Variants in STRN3 observed in about 807,000 individuals in gnomAD.
STRN3 encodes the protein striatin-3.
A neutral mutation model predicts 95.6 loss-of-function variants in STRN3; 29 were observed. The observed-to-expected ratio is 0.30, with a 90% CI of 0.23 to 0.41. The LOEUF is 0.41. Among genes scored for constraint, STRN3 ranks in the 10% least tolerant of loss-of-function variants. STRN3 has a pLI of 1.00. For missense variants in STRN3, 890 were observed against 972.1 expected, an observed-to-expected ratio of 0.92 and a Z score of 1.12; for synonymous variants, 331 against 357.6, an observed-to-expected ratio of 0.93 and a Z score of 0.84.
chr14:30,983,499 C>G (rs749499468), intron 1 of STRN3, among the ~76,000 whole-genome samples: 1 of 152,172 alleles, frequency 6.6e-6, no homozygotes, highest in African/African-American at 2.4e-5. Flanking sequence ...GAGCCGAGAT[C>G]GTGCCACTGC....
At chr14:30,970,493 T>C (rs1274493834) in intron 1 of STRN3, among the ~76,000 whole-genome samples, 9 of 152,212 alleles carry the variant, frequency 5.9e-5, no homozygotes, top group African/African-American at 9.6e-5. Flanking sequence ...TGCAATCCTA[T>C]ACAGGCTATT....
intron 1 of STRN3, among the ~76,000 whole-genome samples, chr14:30,958,400 T>C (rs1880026578): frequency 1.3e-5 from 2 of 152,154 alleles, no homozygotes; most frequent in South Asian, 4.1e-4. Context: ...CTAGGAGGAA[T>C]AATAAAAGTT....
chr14:30,942,558 T>C (rs1879145225), intron 5 of STRN3, among the ~76,000 whole-genome samples: 1 of 151,860 alleles, frequency 6.6e-6, no homozygotes, highest in East Asian at 1.9e-4. Flanking sequence ...AAAAAAGAGG[T>C]GGGCGGGGAG....
At chr14:30,908,407 AT>A (rs1896523491) in intron 13 of STRN3, among the ~76,000 whole-genome samples, 1 of 152,188 alleles carries the variant, frequency 6.6e-6, no homozygotes, top group Non-Finnish European at 1.5e-5. Flanking sequence ...CTTTTCTTTG[AT>A]GATACAAAAC....
intron 1 of STRN3, among the ~76,000 whole-genome samples, chr14:30,995,215 C>G (rs1379411517): frequency 6.6e-6 from 1 of 151,928 alleles, no homozygotes; most frequent in Non-Finnish European, 1.5e-5. Context: ...TTCATCTGTC[C>G]AAAATGACAT....
chr14:30,958,821 C>T (rs1437748358), intron 1 of STRN3, among the ~76,000 whole-genome samples: 1 of 152,154 alleles, frequency 6.6e-6, no homozygotes, highest in Non-Finnish European at 1.5e-5. Flanking sequence ...GAATCTTATA[C>T]TGTTGTGAGA....
At chr14:30,965,576 T>C (rs573545107) in intron 1 of STRN3, among the ~76,000 whole-genome samples, 12 of 151,734 alleles carry the variant, frequency 7.9e-5, no homozygotes, top group African/African-American at 2.9e-4. Flanking sequence ...TCCCAGCACT[T>C]TGGGAGGCTG....
At position 31,022,888 on chromosome 14, in the gene STRN3, C is replaced by T. The variant is rs763256965; in HGVS notation, c.282+3016G>A. Reference sequence around the variant, plus strand: ...ATGGCAGTTTCTAACTTTTAGAAGTCGTAACATGATAGATGTTGCTGCTTA... The same window carrying T: ...ATGGCAGTTTCTAACTTTTAGAAGTTGTAACATGATAGATGTTGCTGCTTA... On this transcript the variant is annotated intron_variant, in intron 1 of 17. Coordinates refer to ENST00000357479, the MANE Select transcript of STRN3 (RefSeq NM_001083893.2). Among the ~76,000 whole-genome samples, 18 of 152,094 alleles carry T rather than the reference C, an allele frequency of 1.2e-4. 1 individual carries two copies. The highest frequency in any genetic ancestry group is 4.1e-4 in the South Asian group (2 of 4,826).
chr14:30,946,029 T>C (rs1382240880), intron 5 of STRN3, among the ~76,000 whole-genome samples: 5 of 152,238 alleles, frequency 3.3e-5, no homozygotes, highest in Non-Finnish European at 7.3e-5. Context: ...AACATTTTTA[T>C]CTGGTAGCTT....
At chr14:30,977,794 G>GGAAAAA in intron 1 of STRN3, among the ~76,000 whole-genome samples, 1 of 109,926 alleles carries the variant, frequency 9.1e-6, no homozygotes, top group Non-Finnish European at 1.7e-5. Context: ...ACTCTATCTC[G>GGAAAAA]AAAAAAAAAA....
At chr14:30,945,718 C>T (rs185743003) in intron 5 of STRN3, among the ~76,000 whole-genome samples, 24 of 152,218 alleles carry the variant, frequency 1.6e-4, no homozygotes, top group South Asian at 2.1e-4. Context: ...TGCTATAACA[C>T]GGATAAACCT....
rs112849466 is a variant in STRN3, at chr14:30,932,219, A to G, written c.989-2908T>C. The G allele has an allele frequency of 2.6e-4, 39 of 152,368 alleles. 4 individuals carry two copies. The highest frequency in any genetic ancestry group is 8.7e-4 in the African/African-American group (36 of 41,556). 9.4% of individuals were successfully genotyped at this position (152,368 alleles called of 1,614,324 possible). Reference sequence around the variant, plus strand: ...GAGGTGGAGGTTGCAGTGAGCTGAGATGGTTCCATTGCACTCCAGCCTGGG... The same window carrying G: ...GAGGTGGAGGTTGCAGTGAGCTGAGGTGGTTCCATTGCACTCCAGCCTGGG... On this transcript the variant is annotated intron_variant, in intron 7 of 17. Coordinates refer to ENST00000357479, the MANE Select transcript of STRN3 (RefSeq NM_001083893.2).
chr14:31,002,401 G>A (rs1486850047), intron 1 of STRN3, among the ~76,000 whole-genome samples: 1 of 150,350 alleles, frequency 6.7e-6, no homozygotes, highest in Non-Finnish European at 1.5e-5. Flanking sequence ...GAGCCGGGAG[G>A]TGGAGGTTGC....
rs1018336302 is a variant in STRN3, at chr14:30,950,995, A to C, written c.461-51T>G. ...TACATACTTTATTTCGACTCCTGAAAATATTGCCAAAGTTTTCTTAGGGAT... is the reference window on the plus strand; with the variant it reads ...TACATACTTTATTTCGACTCCTGAACATATTGCCAAAGTTTTCTTAGGGAT... On this transcript the variant is annotated intron_variant, in intron 3 of 17. Coordinates refer to ENST00000357479, the MANE Select transcript of STRN3 (RefSeq NM_001083893.2). 5 of 1,488,760 alleles carry C rather than the reference A, an allele frequency of 3.4e-6. No homozygotes were observed. In the Admixed American group the frequency reaches 5.7e-5, roughly 17 times the overall value. 92.2% of individuals were successfully genotyped at this position (1,488,760 alleles called of 1,614,324 possible). A position where few individuals can be genotyped will look rare whatever the true frequency, so the allele number is the denominator to read the frequency against.
At chr14:30,898,726 T>G (rs940697183) in intron 16 of STRN3, among the ~76,000 whole-genome samples, 5 of 152,210 alleles carry the variant, frequency 3.3e-5, no homozygotes, top group African/African-American at 1.2e-4. Flanking sequence ...CTCGTGCTTC[T>G]GCTAATACTC....
chr14:30,940,799 G>A (rs962417367), intron 5 of STRN3, among the ~76,000 whole-genome samples: 6 of 152,034 alleles, frequency 3.9e-5, no homozygotes, highest in South Asian at 2.1e-4. Flanking sequence ...CTCCTAGTCC[G>A]ACATTGACCC....
intron 1 of STRN3, among the ~76,000 whole-genome samples, chr14:31,016,707 GCTAA>G (rs1157576786): frequency 1.3e-5 from 2 of 152,138 alleles, no homozygotes; most frequent in East Asian, 3.9e-4. Context: ...AGCACACCTG[GCTAA>G]CTTTTATATT....
intron 8 of STRN3, among the ~76,000 whole-genome samples, chr14:30,928,889 C>T (rs1878328382): frequency 6.6e-6 from 1 of 152,210 alleles, no homozygotes; most frequent in South Asian, 2.1e-4. Flanking sequence ...ATACTTTTCT[C>T]CCTTTTGAAA....
At chr14:31,016,637 G>A (rs1566495223) in intron 1 of STRN3, among the ~76,000 whole-genome samples, 2 of 152,014 alleles carry the variant, frequency 1.3e-5, no homozygotes, top group South Asian at 2.1e-4. Context: ...TCCGCCTCCC[G>A]GGTTAAAGCG....
Sources: allele counts gnomAD v4.1 joint callset (sites outside exome capture counted in the v4.1 genomes callset), GRCh38; gene constraint gnomAD v4.1.1; transcripts MANE v1.5; gene names NCBI Gene and HGNC (gene_info 2026-07-23, HGNC 2026-07-21).